The following ZNF385D variants were observed in gnomAD, a reference collection of about 807,000 sequenced individuals.
The protein encoded by ZNF385D is zinc finger protein 659.
In ZNF385D, 15 loss-of-function variants were observed where a neutral mutation model predicts 35.8. The observed-to-expected ratio is 0.42, with a 90% confidence interval of 0.28 to 0.64. The LOEUF (loss-of-function observed/expected upper bound fraction) is 0.64. Ranked by LOEUF, ZNF385D falls within the 30% of genes least tolerant of loss-of-function variation. The pLI, the probability that ZNF385D is intolerant of heterozygous loss-of-function variation, is 0.23. For synonymous variants in ZNF385D, 212 were observed against 186.8 expected (o/e 1.13, Z -1.10); for missense variants, 474 against 494.6 (o/e 0.96, Z 0.39).
chr3:22,047,651 T>C (rs965786153), intron 3 of ZNF385D, among the ~76,000 whole-genome samples: 1 of 152,144 alleles, frequency 6.6e-6, no homozygotes, highest in East Asian at 1.9e-4. Flanking sequence ...TCATCATTGG[T>C]GGATATGTAG....
At chr3:21,768,529 C>G (rs2070932217) in intron 3 of ZNF385D, among the ~76,000 whole-genome samples, 1 of 151,894 alleles carries the variant, frequency 6.6e-6, no homozygotes, top group Admixed American at 6.6e-5. Flanking sequence ...GAATTTTTAT[C>G]AATTTTAGCT....
chr3:22,180,632 T>C (rs573963311), intron 2 of ZNF385D, among the ~76,000 whole-genome samples: 1 of 152,160 alleles, frequency 6.6e-6, no homozygotes, highest in Non-Finnish European at 1.5e-5. Context: ...TGGTTCAACA[T>C]ATGCAAATCA....
intron 1 of ZNF385D, among the ~76,000 whole-genome samples, chr3:21,727,919 G>A (rs1484470696): frequency 6.6e-6 from 1 of 152,114 alleles, no homozygotes; most frequent in African/African-American, 2.4e-5. Flanking sequence ...CAACCCAAAT[G>A]TCCATCAATG....
intron 2 of ZNF385D, among the ~76,000 whole-genome samples, chr3:22,315,689 C>A (rs1057436184): frequency 2.0e-5 from 3 of 152,184 alleles, no homozygotes; most frequent in Non-Finnish European, 4.4e-5. Context: ...CAGAAGTCTA[C>A]CATGGCTGAC....
chr3:22,163,652 T>C (rs1706117191), intron 3 of ZNF385D, among the ~76,000 whole-genome samples: 2 of 152,190 alleles, frequency 1.3e-5, no homozygotes, highest in Non-Finnish European at 1.5e-5. Flanking sequence ...TGCTAAAAAT[T>C]AATCCCATAT....
In ZNF385D at chr3:21,416,526, C is replaced by G. The variant is rs1409994798; in HGVS notation, c.*4688G>C. On this transcript the variant is annotated 3_prime_UTR_variant, in exon 8 of 8. Coordinates refer to ENST00000281523, the MANE Select transcript of ZNF385D (RefSeq NM_024697.3). ...GAAATACCATGTAGGCAATGGAGAC[C>G]TACCATTAGAAATGATCCATTTCAC... 6.6e-6 allele frequency: 1 copy of G among 152,050 alleles called. No individual in the cohort carries two copies. Among genetic ancestry groups the G allele is most frequent in the East Asian group, 1.9e-4 (1 of 5,168 alleles). 9.4% of individuals were successfully genotyped at this position (152,050 alleles called of 1,614,324 possible). A position where few individuals can be genotyped will look rare whatever the true frequency, so the allele number is the denominator to read the frequency against.
intron 1 of ZNF385D, among the ~76,000 whole-genome samples, chr3:21,714,915 C>T (rs11129017): frequency 0.51 from 77,322 of 152,050 alleles, 20,433 homozygotes; most frequent in African/African-American, 0.66. Context: ...AACAGATGAA[C>T]GTATACATCA....
chr3:22,143,276 G>A (rs2125707231), intron 3 of ZNF385D, among the ~76,000 whole-genome samples: 1 of 152,106 alleles, frequency 6.6e-6, no homozygotes, highest in East Asian at 1.9e-4. Flanking sequence ...AGTAGAGACG[G>A]GGTTTCACCG....
intron 5 of ZNF385D, among the ~76,000 whole-genome samples, chr3:21,433,816 C>A (rs191817758): frequency 2.1e-3 from 327 of 152,220 alleles, no homozygotes; most frequent in African/African-American, 7.5e-3. Flanking sequence ...AATGTGGTTA[C>A]CATTAAGATT....
chr3:21,861,529 T>C (rs936788084), intron 3 of ZNF385D, among the ~76,000 whole-genome samples: 2 of 152,092 alleles, frequency 1.3e-5, no homozygotes, highest in African/African-American at 2.4e-5. Context: ...ATTTTACCAA[T>C]ATATAACTGA....
At chr3:22,270,603 T>A (rs1170670680) in intron 2 of ZNF385D, among the ~76,000 whole-genome samples, 2 of 151,988 alleles carry the variant, frequency 1.3e-5, no homozygotes, top group African/African-American at 4.8e-5. Flanking sequence ...ATTTAAACAT[T>A]CTGTTGCTAT....
Position 22,111,487 on chromosome 3 carries a change from G to A in ZNF385D, c.325+57330C>T, listed in dbSNP as rs183000540. Among the ~76,000 whole-genome samples the A allele has an allele frequency of 7.4e-3, 1,124 of 152,188 alleles. 17 individuals are homozygous for A. The highest frequency in any genetic ancestry group is 0.025 in the African/African-American group (1,027 of 41,532). On this transcript the variant is annotated intron_variant, in intron 3 of 5. Transcript: ENST00000494108. ...GCACATGGTGACGCGATCATCAAAT[G>A]TCATTCTGTTCACACTCAGAAAAAG...
At chr3:21,956,945 C>A (rs1702321868) in intron 3 of ZNF385D, among the ~76,000 whole-genome samples, 1 of 152,002 alleles carries the variant, frequency 6.6e-6, no homozygotes, top group South Asian at 2.1e-4. Context: ...AAAATGTCAA[C>A]TTCAGTTGTA....
intron 2 of ZNF385D, among the ~76,000 whole-genome samples, chr3:22,188,608 C>A (rs1440228706): frequency 6.6e-6 from 1 of 152,026 alleles, no homozygotes; most frequent in Non-Finnish European, 1.5e-5. Flanking sequence ...TGCCACCACA[C>A]CCTGCTAATT....
chr3:21,867,490 C>T (rs1041433592), intron 3 of ZNF385D, among the ~76,000 whole-genome samples: 1 of 152,124 alleles, frequency 6.6e-6, no homozygotes, highest in Admixed American at 6.5e-5. Flanking sequence ...TTCTCCTGCT[C>T]TCTACCTGTG....
chr3:22,022,814 A>G (rs1389079824), intron 3 of ZNF385D, among the ~76,000 whole-genome samples: 2 of 152,182 alleles, frequency 1.3e-5, no homozygotes, highest in Admixed American at 6.6e-5. Context: ...TTCAAATAAC[A>G]TATGCAAAAT....
intron 2 of ZNF385D, among the ~76,000 whole-genome samples, chr3:22,305,329 C>A (rs890964184): frequency 7.2e-5 from 11 of 151,886 alleles, no homozygotes; most frequent in African/African-American, 2.4e-4. Context: ...TTAAAAAATT[C>A]TTTATTTAAA....
intron 2 of ZNF385D, among the ~76,000 whole-genome samples, chr3:22,268,212 T>C (rs1700992436): frequency 6.6e-6 from 1 of 152,030 alleles, no homozygotes; most frequent in Admixed American, 6.6e-5. Flanking sequence ...GTCACTCTGA[T>C]GCTGTCATTA....
At chr3:21,517,924 T>C (rs1707680975) in intron 3 of ZNF385D, among the ~76,000 whole-genome samples, 1 of 152,168 alleles carries the variant, frequency 6.6e-6, no homozygotes, top group Admixed American at 6.5e-5. Flanking sequence ...AACATCATAG[T>C]GTGGGCTTGG....
Sources: allele counts gnomAD v4.1 joint callset (sites outside exome capture counted in the v4.1 genomes callset), GRCh38; gene constraint gnomAD v4.1.1; transcripts MANE v1.5; gene names NCBI Gene and HGNC (gene_info 2026-07-23, HGNC 2026-07-21).